The following BLOC1S6 variants were observed in gnomAD, a reference collection of about 807,000 sequenced individuals.
BLOC1S6 encodes the protein biogenesis of lysosome-related organelles complex 1 subunit 6.
Under a neutral mutation model 24.7 loss-of-function variants are expected in BLOC1S6, and 24 were observed. The observed-to-expected ratio is 0.97, with a 90% CI of 0.70 to 1.37. BLOC1S6 has a LOEUF of 1.37. Among genes scored for constraint, BLOC1S6 ranks in the 40% most tolerant of loss-of-function variants. BLOC1S6 has a pLI of 0.00. For synonymous variants in BLOC1S6, 76 were observed against 72.6 expected (o/e 1.05, Z -0.23); for missense variants, 175 against 196.2 (o/e 0.89, Z 0.64).
Position 45,608,403 on chromosome 15 carries a change from T to C in BLOC1S6, c.*1889T>C, listed in dbSNP as rs1894553278. 6.6e-6 allele frequency: 1 copy of C among 152,244 alleles called. No homozygotes were observed. The allele number at this position is 152,244 out of a possible 1,614,324, so 9.4% of individuals were successfully genotyped here. A position where few individuals can be genotyped will look rare whatever the true frequency, so the allele number is the denominator to read the frequency against. On this transcript the variant is annotated 3_prime_UTR_variant, in exon 5 of 5. Coordinates refer to ENST00000220531, the MANE Select transcript of BLOC1S6 (RefSeq NM_012388.4). ...ACAATGTCACCTAAATTGCTGAATG[T>C]ACTCATTATAATATGATATCTGACA...
intron 1 of BLOC1S6, among the ~76,000 whole-genome samples, chr15:45,588,202 G>A (rs1360566158): frequency 1.3e-5 from 2 of 152,162 alleles, no homozygotes; most frequent in African/African-American, 4.8e-5. Flanking sequence ...GAAATATAGG[G>A]GTTACCCCCA....
At chr15:45,587,214 C>A, upstream of BLOC1S6, 1 of 603,072 alleles carries the variant, frequency 1.7e-6, no homozygotes, top group Non-Finnish European at 3.0e-6. Flanking sequence ...CTGCTGAGTC[C>A]GCTGACACTG....
At chr15:45,596,324 A>C (rs1595555350) in intron 2 of BLOC1S6, among the ~76,000 whole-genome samples, 1 of 152,076 alleles carries the variant, frequency 6.6e-6, no homozygotes, top group South Asian at 2.1e-4. Context: ...CGGCCTCCCA[A>C]GTAGCTGGGA....
In BLOC1S6 at chr15:45,607,474, T is replaced by C. The variant is rs1366918750; in HGVS notation, c.*960T>C. 6.6e-6 allele frequency: 1 copy of C among 152,148 alleles called. No individual in the cohort carries two copies. Among genetic ancestry groups the C allele is most frequent in the Non-Finnish European group, 1.5e-5 (1 of 68,042 alleles). The allele number at this position is 152,148 out of a possible 1,614,324, so 9.4% of individuals were successfully genotyped here. A position where few individuals can be genotyped will look rare whatever the true frequency, so the allele number is the denominator to read the frequency against. On this transcript the variant is annotated 3_prime_UTR_variant, in exon 5 of 5. Transcript: ENST00000220531. Reference sequence around the variant, plus strand: ...CACTGAGATATAGTTTCTGTGCTTGTAAAAAATTCTTGAAGTGAGGCCGGG... The same window carrying C: ...CACTGAGATATAGTTTCTGTGCTTGCAAAAAATTCTTGAAGTGAGGCCGGG...
intron 2 of BLOC1S6, among the ~76,000 whole-genome samples, 196 bp from the exon 3 acceptor site, chr15:45,602,904 G>T (rs755876976): frequency 1.3e-5 from 2 of 152,146 alleles, no homozygotes. Context: ...AAGAATAAAA[G>T]ACACATTTAG....
intron 4 of BLOC1S6, among the ~76,000 whole-genome samples, chr15:45,605,987 T>C (rs553398085): frequency 3.3e-5 from 5 of 152,290 alleles, no homozygotes; most frequent in Non-Finnish European, 7.4e-5. Context: ...TTAAGAAATA[T>C]TAGAGACAGG....
intron 1 of BLOC1S6, among the ~76,000 whole-genome samples, chr15:45,588,424 A>G (rs367663736): frequency 6.6e-6 from 1 of 152,222 alleles, no homozygotes; most frequent in African/African-American, 2.4e-5. Context: ...AAATGAAAAC[A>G]TGTCTCATCC....
At chr15:45,600,646 C>T (rs981802120) in intron 2 of BLOC1S6, among the ~76,000 whole-genome samples, 1 of 152,146 alleles carries the variant, frequency 6.6e-6, no homozygotes, top group Non-Finnish European at 1.5e-5. Context: ...GCGTATTTGG[C>T]AGAAATTTTA....
chr15:45,591,198 TCTC>T (rs913105056), intron 1 of BLOC1S6, among the ~76,000 whole-genome samples: 10 of 152,232 alleles, frequency 6.6e-5, no homozygotes, highest in African/African-American at 2.4e-4. Flanking sequence ...AAATCCCTCT[TCTC>T]CTCCCTAACA....
chr15:45,598,222 T>C (rs1295981632), intron 2 of BLOC1S6: 1 of 151,286 alleles, frequency 6.6e-6, no homozygotes, highest in Non-Finnish European at 1.5e-5. Context: ...CCACAGCCAA[T>C]ATCATACTGA....
chr15:45,594,759 T>A (rs1266204316), intron 2 of BLOC1S6, among the ~76,000 whole-genome samples: 1 of 152,218 alleles, frequency 6.6e-6, no homozygotes, highest in East Asian at 1.9e-4. Context: ...AATTTTTTTG[T>A]ATTTTTAGTA....
chr15:45,604,893 G>A (rs190041440), intron 3 of BLOC1S6, among the ~76,000 whole-genome samples: 1 of 152,274 alleles, frequency 6.6e-6, no homozygotes, highest in Non-Finnish European at 1.5e-5. Context: ...CCTCAAGAAG[G>A]AAAGTGTCCT....
chr15:45,596,533 A>G (rs1215705548), intron 2 of BLOC1S6, among the ~76,000 whole-genome samples: 2 of 151,970 alleles, frequency 1.3e-5, no homozygotes, highest in Non-Finnish European at 2.9e-5. Flanking sequence ...TCTCCACTGC[A>G]TTACCTTTGC....
Position 45,592,118 on chromosome 15 carries a change from A to G in BLOC1S6, c.83-17A>G. On this transcript the variant is annotated splice_polypyrimidine_tract_variant and intron_variant, in intron 1 of 4. Transcript: ENST00000220531. ...AATAAATAAAAGGTTCCTAAATTTGATTTTTGCTGGGGACAGGTTTAAGTG... is the reference window on the plus strand; with the variant it reads ...AATAAATAAAAGGTTCCTAAATTTGGTTTTTGCTGGGGACAGGTTTAAGTG... 6.2e-7 allele frequency: 1 copy of G among 1,613,740 alleles called. No homozygotes were observed. Among genetic ancestry groups the G allele is most frequent in the East Asian group, 2.2e-5 (1 of 44,868 alleles).
intron 1 of BLOC1S6, chr15:45,587,892 A>G: frequency 1.6e-6 from 1 of 631,026 alleles, no homozygotes; most frequent in East Asian, 2.7e-5. Flanking sequence ...GTATCCTATA[A>G]TATTGACCAC....
chr15:45,591,232 A>T (rs1042845371), intron 1 of BLOC1S6, among the ~76,000 whole-genome samples: 1 of 152,158 alleles, frequency 6.6e-6, no homozygotes, highest in Non-Finnish European at 1.5e-5. Flanking sequence ...CCCTCCTTTT[A>T]CATGTAAATA....
Position 45,606,820 on chromosome 15 carries a change from G to T in BLOC1S6, c.*306G>T. ...CAAAACTCTAAGTGGTTAAAAATTA[G>T]TATGAATTTTTTAGCTTCTTAATGA... On this transcript the variant is annotated 3_prime_UTR_variant, in exon 5 of 5. Transcript: ENST00000220531. 1 of 313,020 alleles carries T rather than the reference G, an allele frequency of 3.2e-6. No individual in the cohort carries two copies. The highest frequency in any genetic ancestry group is 5.8e-6 in the Non-Finnish European group (1 of 170,946). The allele number at this position is 313,020 out of a possible 1,614,324, so 19.4% of individuals were successfully genotyped here.
intron 1 of BLOC1S6, among the ~76,000 whole-genome samples, chr15:45,588,980 T>TA (rs1376188355): frequency 6.6e-6 from 1 of 152,198 alleles, no homozygotes; most frequent in Non-Finnish European, 1.5e-5. Flanking sequence ...AATGTCTGTT[T>TA]AAAAAATGCA....
At chr15:45,587,371 G>A (rs1011967737), upstream of BLOC1S6, 50 of 1,397,620 alleles carry the variant, frequency 3.6e-5, no homozygotes, top group Non-Finnish European at 4.8e-5. Flanking sequence ...CCAGCCGCTG[G>A]AGTCGTTAGG....
Sources: gnomAD v4.1 joint callset for allele counts (sites outside exome capture counted in the v4.1 genomes callset) on GRCh38, gnomAD v4.1.1 for gene constraint, MANE v1.5 for transcripts, NCBI Gene and HGNC (gene_info 2026-07-23, HGNC 2026-07-21) for gene names.